The following NOL4 variants were observed in gnomAD, a reference collection of about 807,000 sequenced individuals.
NOL4 encodes the protein nucleolar protein 4, also known as cancer/testis antigen 125.
NOL4 carries 17 observed loss-of-function variants against 75.9 expected under a neutral mutation model. The observed-to-expected ratio is 0.22, with a 90% CI of 0.15 to 0.34. The LOEUF (loss-of-function observed/expected upper bound fraction) is 0.34. Ranked by LOEUF, NOL4 falls within the 10% of genes least tolerant of loss-of-function variation. NOL4 has a pLI of 1.00. For synonymous variants in NOL4, 292 were observed against 289.9 expected (o/e 1.01, Z -0.07); for missense variants, 614 against 793.5 (o/e 0.77, Z 2.72).
At chr18:34,187,145 T>C (rs1271256571) in intron 1 of NOL4, among the ~76,000 whole-genome samples, 2 of 152,156 alleles carry the variant, frequency 1.3e-5, no homozygotes, top group African/African-American at 2.4e-5. Flanking sequence ...TAATACAGAA[T>C]AGTTTTATTG....
At chr18:33,853,760 G>T (rs1162760428) in intron 10 of NOL4, among the ~76,000 whole-genome samples, 2 of 151,810 alleles carry the variant, frequency 1.3e-5, no homozygotes, top group Non-Finnish European at 2.9e-5. Flanking sequence ...ACGTGTTTAG[G>T]AATTTAATGT....
At chr18:33,920,722 G>A (rs947440309) in intron 9 of NOL4, among the ~76,000 whole-genome samples, 1 of 152,228 alleles carries the variant, frequency 6.6e-6, no homozygotes, top group African/African-American at 2.4e-5. Context: ...GAATACTCAT[G>A]TCTAATAGTG....
chr18:33,854,257 C>T (rs552816291), intron 10 of NOL4, among the ~76,000 whole-genome samples: 1 of 152,252 alleles, frequency 6.6e-6, no homozygotes, highest in African/African-American at 2.4e-5. Context: ...CCTCCACCCT[C>T]TACCTCCACA....
intron 6 of NOL4, among the ~76,000 whole-genome samples, chr18:33,985,977 C>G (rs1398714092): frequency 6.6e-6 from 1 of 151,978 alleles, no homozygotes; most frequent in South Asian, 2.1e-4. Context: ...TAGAAATGGT[C>G]ATAAACTTTT....
chr18:34,109,781 AAC>A (rs1438917416), intron 2 of NOL4, among the ~76,000 whole-genome samples: 1 of 151,928 alleles, frequency 6.6e-6, no homozygotes, highest in Non-Finnish European at 1.5e-5. Context: ...TAGACCAAGA[AAC>A]AGAGAAGAAT....
chr18:34,201,003 C>T (rs773477348), intron 1 of NOL4, among the ~76,000 whole-genome samples: 28 of 151,538 alleles, frequency 1.8e-4, no homozygotes, highest in Non-Finnish European at 3.1e-4. Flanking sequence ...ATACTATACT[C>T]CTATGCTGCT....
At chr18:34,021,961 G>A (rs553026797) in intron 5 of NOL4, among the ~76,000 whole-genome samples, 4 of 151,828 alleles carry the variant, frequency 2.6e-5, no homozygotes, top group African/African-American at 4.8e-5. Context: ...AAAATTCGCC[G>A]GGCATGGTGG....
At chr18:33,936,918 T>C (rs1025285822) in intron 9 of NOL4, among the ~76,000 whole-genome samples, 1 of 152,058 alleles carries the variant, frequency 6.6e-6, no homozygotes. Flanking sequence ...CCTCTTTGTC[T>C]TCAAATGAAA....
chr18:34,165,157 G>GGT (rs2032166456), intron 1 of NOL4, among the ~76,000 whole-genome samples: 1 of 151,344 alleles, frequency 6.6e-6, no homozygotes, highest in Non-Finnish European at 1.5e-5. Flanking sequence ...CGAGTTAATG[G>GGT]GTGCAGCACA....
intron 10 of NOL4, among the ~76,000 whole-genome samples, chr18:33,853,498 C>T (rs573894239): frequency 3.2e-4 from 49 of 152,110 alleles, no homozygotes; most frequent in African/African-American, 1.1e-3. Flanking sequence ...AACTAGTCAA[C>T]TTAGCAAAAA....
At chr18:34,206,374 T>C (rs575229446) in intron 1 of NOL4, among the ~76,000 whole-genome samples, 143 of 152,258 alleles carry the variant, frequency 9.4e-4, no homozygotes, top group African/African-American at 3.0e-3. Flanking sequence ...TTACTGAAGC[T>C]CCAGATATCC....
At chr18:33,922,667 TTAGATTAGATTGAA>T (rs1478725249) in intron 9 of NOL4, among the ~76,000 whole-genome samples, 1 of 152,198 alleles carries the variant, frequency 6.6e-6, no homozygotes, top group Non-Finnish European at 1.5e-5. Context: ...ACATATGGAT[TTAGATTAGATTGAA>T]TATACCCTCA....
At chr18:33,978,480 G>A (rs1480027438) in intron 6 of NOL4, among the ~76,000 whole-genome samples, 1 of 152,044 alleles carries the variant, frequency 6.6e-6, no homozygotes, top group South Asian at 2.1e-4. Flanking sequence ...ATCTGTCCTA[G>A]TTACAAGAAA....
intron 8 of NOL4, among the ~76,000 whole-genome samples, chr18:33,956,307 A>G (rs1371084554): frequency 6.6e-6 from 1 of 152,176 alleles, no homozygotes; most frequent in African/African-American, 2.4e-5. Context: ...TGAAGACAGT[A>G]TTGATCAAAC....
intron 1 of NOL4, among the ~76,000 whole-genome samples, chr18:34,131,802 A>T (rs1204649302): frequency 1.3e-5 from 2 of 152,126 alleles, no homozygotes; most frequent in Admixed American, 6.6e-5. Flanking sequence ...ATACTACTAA[A>T]CCCTCTGCTA....
At chr18:34,064,918 A>AAC (rs66465203) in intron 5 of NOL4, among the ~76,000 whole-genome samples, 1,888 of 95,524 alleles carry the variant, frequency 0.02, 24 homozygotes, top group Middle Eastern at 0.078. Context: ...GGTATTTTTT[A>AAC]ACACACACAC....
At position 34,100,931 on chromosome 18, in the gene NOL4, G is replaced by A. The variant is rs570318468; in HGVS notation, c.639+3116C>T. On this transcript the variant is annotated intron_variant, in intron 4 of 10. Coordinates refer to ENST00000261592, the MANE Select transcript of NOL4 (RefSeq NM_003787.5). The stretch of plus-strand genomic sequence containing the variant: ...GAACTTCTAGTATCATTCCTCAAAT[G>A]TTTTCTACCCACAGTTTTTCTTACA... Among the ~76,000 whole-genome samples the A allele has an allele frequency of 1.2e-4, 19 of 152,106 alleles. No individual in the cohort carries two copies. The South Asian group carries it at 2.3e-3, about 18-fold the overall frequency.
intron 6 of NOL4, among the ~76,000 whole-genome samples, chr18:33,979,378 G>A (rs2071760638): frequency 6.6e-6 from 1 of 151,980 alleles, no homozygotes; most frequent in South Asian, 2.1e-4. Flanking sequence ...CAACATGCCA[G>A]ATACAATATT....
At chr18:34,200,941 T>G (rs1008139192) in intron 1 of NOL4, among the ~76,000 whole-genome samples, 7 of 151,714 alleles carry the variant, frequency 4.6e-5, no homozygotes, top group Non-Finnish European at 4.4e-5. Context: ...AGGATCAGCT[T>G]CTGACTTAAA....
Sources: allele counts gnomAD v4.1 joint callset (sites outside exome capture counted in the v4.1 genomes callset), GRCh38; gene constraint gnomAD v4.1.1; transcripts MANE v1.5; gene names NCBI Gene and HGNC (gene_info 2026-07-23, HGNC 2026-07-21).